The following RPTOR variants were observed in gnomAD, a reference collection of about 807,000 sequenced individuals.
RPTOR encodes regulatory-associated protein of mTOR.
RPTOR carries 21 observed loss-of-function variants against 169.9 expected under a neutral mutation model. The observed-to-expected ratio is 0.12, with a 90% CI of 0.09 to 0.18. RPTOR has a LOEUF of 0.18. Among genes scored for constraint, RPTOR ranks in the 10% least tolerant of loss-of-function variants. The pLI, the probability that RPTOR is intolerant of heterozygous loss-of-function variation, is 1.00. For synonymous variants in RPTOR, 732 were observed against 753.2 expected (o/e 0.97, Z 0.46); for missense variants, 1,133 against 1,855.9 (o/e 0.61, Z 7.16).
At chr17:80,734,370 G>C (rs1020487092) in intron 5 of RPTOR, among the ~76,000 whole-genome samples, 1 of 152,162 alleles carries the variant, frequency 6.6e-6, no homozygotes, top group Admixed American at 6.5e-5. Flanking sequence ...ATCCGTCCCT[G>C]TGTCTAGATC....
Position 80,562,748 on chromosome 17 carries a change from C to A in RPTOR, c.162+16957C>A, listed in dbSNP as rs946901981. Among the ~76,000 whole-genome samples, 1 of 3,470 alleles carries A rather than the reference C, an allele frequency of 2.9e-4. No homozygotes were observed. The highest frequency in any genetic ancestry group is 5.1e-4 in the Non-Finnish European group (1 of 1,974). 2.3% of individuals were successfully genotyped at this position (3,470 alleles called of 152,430 possible). On this transcript the variant is annotated intron_variant, in intron 1 of 33. Coordinates refer to ENST00000306801, the MANE Select transcript of RPTOR (RefSeq NM_020761.3). The surrounding 1 kb of genome is among the most constrained non-coding windows in gnomAD (Gnocchi z 4.4). Reference sequence around the variant, plus strand: ...GCAGTGAGCTGAGACTGCGCCACTGCACCCCATCCTGGCAACAGAGCAAGA... The same window carrying A: ...GCAGTGAGCTGAGACTGCGCCACTGAACCCCATCCTGGCAACAGAGCAAGA...
chr17:80,955,454 C>A (rs932715001), intron 28 of RPTOR, among the ~76,000 whole-genome samples: 4 of 152,164 alleles, frequency 2.6e-5, no homozygotes, highest in African/African-American at 9.7e-5. Flanking sequence ...CTGTAAAAGC[C>A]TTTCAGAGAA....
intron 5 of RPTOR, among the ~76,000 whole-genome samples, chr17:80,738,073 G>A (rs2066449464): frequency 6.6e-6 from 1 of 152,210 alleles, no homozygotes; most frequent in South Asian, 2.1e-4. Flanking sequence ...TTGCCAACCA[G>A]AAAGGAAATA....
chr17:80,864,995 A>G (rs1365276086), intron 13 of RPTOR, among the ~76,000 whole-genome samples: 2 of 152,228 alleles, frequency 1.3e-5, no homozygotes, highest in Non-Finnish European at 2.9e-5. Flanking sequence ...ACCCCACAGA[A>G]TGTATAACAT....
chr17:80,619,659 G>A (rs1476448613), intron 1 of RPTOR, among the ~76,000 whole-genome samples: 2 of 152,174 alleles, frequency 1.3e-5, no homozygotes, highest in Admixed American at 6.5e-5. Context: ...CCTGAGCTGG[G>A]GTGAGACTGG....
chr17:80,688,504 A>G (rs1319793138), intron 3 of RPTOR, among the ~76,000 whole-genome samples: 1 of 152,196 alleles, frequency 6.6e-6, no homozygotes, highest in East Asian at 1.9e-4. Context: ...CTTTTCCCTC[A>G]TGATGACAAG....
intron 3 of RPTOR, among the ~76,000 whole-genome samples, chr17:80,685,203 G>GGAGTCGCCCCTCA (rs2065930584): frequency 9.4e-6 from 1 of 106,084 alleles, no homozygotes; most frequent in Admixed American, 8.3e-5. Context: ...AGGGTCGCTT[G>GGAGTCGCCCCTCA]TTGCGTTTTC....
At position 80,956,910 on chromosome 17, in the gene RPTOR, G is replaced by A. The variant is rs558584545; in HGVS notation, c.3371-714G>A. Among the ~76,000 whole-genome samples, 98 of 152,340 alleles carry A rather than the reference G, an allele frequency of 6.4e-4. 2 individuals are homozygous for A. The South Asian group carries it at 0.019, about 30-fold the overall frequency. ...CGAACAGTGGGCACCTTAGACAGAC[G>A]TTCCTGGAAGGCTCTGCTCCGAACA... On this transcript the variant is annotated intron_variant, in intron 28 of 33. Coordinates refer to ENST00000306801, the MANE Select transcript of RPTOR (RefSeq NM_020761.3).
intron 4 of RPTOR, among the ~76,000 whole-genome samples, chr17:80,729,022 A>AC (rs35736099): frequency 3.3e-5 from 5 of 152,132 alleles, no homozygotes; most frequent in Non-Finnish European, 7.4e-5. Context: ...GTCTCCACAC[A>AC]CCCCCCACAC....
At chr17:80,741,152 C>T (rs1043004744) in intron 5 of RPTOR, among the ~76,000 whole-genome samples, 13 of 152,190 alleles carry the variant, frequency 8.5e-5, no homozygotes, top group Admixed American at 8.5e-4. Context: ...AACTGAGGGT[C>T]TCCCCGTGAC....
chr17:80,552,581 A>G (rs572738931), intron 1 of RPTOR, among the ~76,000 whole-genome samples: 2 of 152,362 alleles, frequency 1.3e-5, no homozygotes, highest in African/African-American at 2.4e-5. Flanking sequence ...TGCTTGGCAC[A>G]TAGTAGGGAT....
At chr17:80,837,736 C>T (rs1196461392) in intron 9 of RPTOR, among the ~76,000 whole-genome samples, 186 bp from the exon 10 acceptor site, 2 of 152,244 alleles carry the variant, frequency 1.3e-5, no homozygotes, top group African/African-American at 2.4e-5. Context: ...GGCCTCCCCT[C>T]GGACGTCTTC....
chr17:80,948,940 AGTC>A (rs1267779115), intron 27 of RPTOR, among the ~76,000 whole-genome samples: 1 of 152,130 alleles, frequency 6.6e-6, no homozygotes, highest in Admixed American at 6.5e-5. Flanking sequence ...TGTCCCTTCA[AGTC>A]AAGGCTACTC....
Position 80,860,733 on chromosome 17 carries a change from C to T in RPTOR, c.1509+2833C>T, listed in dbSNP as rs2067908907. On this transcript the variant is annotated intron_variant, in intron 13 of 33. Transcript: ENST00000306801. The surrounding 1 kb of genome is among the most constrained non-coding windows in gnomAD (Gnocchi z 5.8). ...GCTAGTTCACTGGTTCTTGTAGATT[C>T]CCTAGGATTTTATGTATATGCTCTC... is the stretch of plus-strand genomic sequence containing the variant. 6.6e-6 allele frequency among the ~76,000 whole-genome samples: 1 copy of T among 151,946 alleles called. No individual in the cohort carries two copies. The highest frequency in any genetic ancestry group is 2.1e-4 in the South Asian group (1 of 4,800).
rs2066151380 is a variant in RPTOR, at chr17:80,707,584, G to T, written c.349-257G>T. Among the ~76,000 whole-genome samples, 1 of 151,642 alleles carries T rather than the reference G, an allele frequency of 6.6e-6. No homozygotes were observed. The highest frequency in any genetic ancestry group is 2.1e-4 in the South Asian group (1 of 4,776). Reference sequence around the variant, plus strand: ...TTTTTTTTTTAATTGTAGAGATGGGGTCTCATTCTGCTGCCCAGGCTGATC... The same window carrying T: ...TTTTTTTTTTAATTGTAGAGATGGGTTCTCATTCTGCTGCCCAGGCTGATC... On this transcript the variant is annotated intron_variant, in intron 3 of 33. Transcript: ENST00000306801. This position sits in a 1 kb window ranked among gnomAD's most constrained non-coding sequence, Gnocchi z 5.0.
At chr17:80,842,688 C>G (rs1017193329) in intron 10 of RPTOR, among the ~76,000 whole-genome samples, 1 of 152,184 alleles carries the variant, frequency 6.6e-6, no homozygotes, top group African/African-American at 2.4e-5. Context: ...TTTATGGTTC[C>G]GGCTTTTGGT....
chr17:80,780,967 T>G (rs2066936519), intron 6 of RPTOR, among the ~76,000 whole-genome samples: 2 of 152,234 alleles, frequency 1.3e-5, no homozygotes, highest in Non-Finnish European at 2.9e-5. Context: ...ACCAGGATCC[T>G]GTTGCCTCAG....
intron 6 of RPTOR, among the ~76,000 whole-genome samples, chr17:80,788,278 G>C (rs1415490534): frequency 6.6e-6 from 1 of 152,102 alleles, no homozygotes; most frequent in Non-Finnish European, 1.5e-5. Flanking sequence ...TTCGAGACCA[G>C]CCTGACCAAC....
chr17:80,592,198 G>C (rs1022757582), intron 1 of RPTOR, among the ~76,000 whole-genome samples: 1 of 152,196 alleles, frequency 6.6e-6, no homozygotes, highest in Non-Finnish European at 1.5e-5. Flanking sequence ...CTGTGAGTGA[G>C]GAGGAGAGCA....
Sources: gnomAD v4.1 joint callset for allele counts (sites outside exome capture counted in the v4.1 genomes callset) on GRCh38, gnomAD v4.1.1 for gene constraint, Gnocchi (gnomAD v3.1) non-coding constraint, MANE v1.5 for transcripts, NCBI Gene and HGNC (gene_info 2026-07-23, HGNC 2026-07-21) for gene names.